Variants in CENPE observed in about 807,000 individuals in gnomAD.
CENPE encodes the protein centromere-associated protein E.
A neutral mutation model predicts 336.1 loss-of-function variants in CENPE; 145 were observed. The observed-to-expected ratio is 0.43, with a 90% CI of 0.38 to 0.50. The LOEUF is 0.50. CENPE is among the 20% of genes least tolerant of loss of function. The pLI is 0.00. For missense variants in CENPE, 2,719 were observed against 3,023.3 expected (o/e 0.90, Z 2.36); for synonymous variants, 1,013 against 984.8 (o/e 1.03, Z -0.54).
At chr4:103,121,675 C>T (rs1487213147) in intron 43 of CENPE, among the ~76,000 whole-genome samples, 2 of 151,538 alleles carry the variant, frequency 1.3e-5, no homozygotes, top group Non-Finnish European at 2.9e-5. Flanking sequence ...AAGCCTCCCA[C>T]ATAGCTGAGA....
intron 26 of CENPE, 56 bp from the exon 27 acceptor site, chr4:103,149,464 C>A (rs1753362605): frequency 1.4e-6 from 2 of 1,444,402 alleles, no homozygotes; most frequent in Non-Finnish European, 1.8e-6. Flanking sequence ...AAAATTCTTA[C>A]ACAAAATCAT....
intron 16 of CENPE, among the ~76,000 whole-genome samples, chr4:103,172,991 A>G (rs1316072043): frequency 6.6e-6 from 1 of 152,018 alleles, no homozygotes; most frequent in Non-Finnish European, 1.5e-5. Flanking sequence ...ATTCTTCACA[A>G]AAGTAGATTA....
At chr4:103,146,723 A>AT (rs1753086073) in intron 29 of CENPE, among the ~76,000 whole-genome samples, 1 of 152,252 alleles carries the variant, frequency 6.6e-6, no homozygotes, top group African/African-American at 2.4e-5. Flanking sequence ...GCAATAAGAT[A>AT]TTAAAAGAAT....
chr4:103,106,215 G>C lies in CENPE; in HGVS notation c.*7C>G, dbSNP rs1350742306. On this transcript the variant is annotated 3_prime_UTR_variant, in exon 49 of 49. Transcript: ENST00000265148. Reference sequence around the variant, plus strand: ...GCTGGATCTCCAGAGAAGTGACAAAGAGGAGTCTACTGAGTTTTGCACTCA... The same window carrying C: ...GCTGGATCTCCAGAGAAGTGACAAACAGGAGTCTACTGAGTTTTGCACTCA... 6.5e-7 allele frequency: 1 copy of C among 1,540,442 alleles called. No individual in the cohort carries two copies. The highest frequency in any genetic ancestry group is 1.9e-5 in the Admixed American group (1 of 53,346).
intron 38 of CENPE, among the ~76,000 whole-genome samples, chr4:103,139,025 T>C (rs1371425743): frequency 2.0e-5 from 3 of 152,224 alleles, no homozygotes; most frequent in African/African-American, 4.8e-5. Flanking sequence ...GTACTGTCTA[T>C]GGTGTTTCAA....
At chr4:103,109,396 T>C (rs1749192107) in intron 47 of CENPE, among the ~76,000 whole-genome samples, 1 of 152,078 alleles carries the variant, frequency 6.6e-6, no homozygotes, top group South Asian at 2.1e-4. Flanking sequence ...TAATCCAGAG[T>C]GGCTTATCTA....
At position 103,144,398 on chromosome 4, in the gene CENPE, C is replaced by T. The variant is rs1752833505; in HGVS notation, c.5078G>A (p.Ser1693Asn). The change falls in exon 33 of 49, where the codon AGT becomes AAT. Residue 1693 changes from serine to asparagine, a missense_variant. Ser to Asn is a conservative substitution (Grantham distance 46, BLOSUM62 1). This residue lies in a region of CENPE where 2,437 missense variants were observed against 2,513.3 expected (regional missense o/e 0.97). Coordinates refer to ENST00000265148, the MANE Select transcript of CENPE (RefSeq NM_001813.3). The stretch of plus-strand genomic sequence containing the variant: ...CTCTACTTTGAGAGTCTCCTCCACA[C>T]TCCTAAGGTCATCTCTTTCTTTTGT... ...SVTKERDDLR[S>N]VEETLKVERD... 1.2e-6 allele frequency: 2 copies of T among 1,613,940 alleles called. No homozygotes were observed. The highest frequency in any genetic ancestry group is 2.7e-5 in the African/African-American group (2 of 74,928).
Position 103,108,850 on chromosome 4 carries a change from G to A in CENPE, c.7964C>T (p.Pro2655Leu), listed in dbSNP as rs1014990693. 3.1e-6 allele frequency: 5 copies of A among 1,613,782 alleles called. No homozygotes were observed. In the African/African-American group the frequency reaches 5.3e-5, roughly 17 times the overall value. The change falls in exon 48 of 49, where the codon CCT becomes CTT. Residue 2655 changes from proline to leucine, a missense_variant. Transcript: ENST00000265148. ...FDSRSKSLPS[P>L]HPVRYFDNSS... ...GTTATCAAAATAGCGAACTGGATGA[G>A]GTGATGGTAAAGACTTTGATCGGCT...
chr4:103,130,296 G>A (rs1751471015), intron 42 of CENPE, among the ~76,000 whole-genome samples: 1 of 152,046 alleles, frequency 6.6e-6, no homozygotes, highest in Admixed American at 6.5e-5. Context: ...AATACTCCTG[G>A]AACTAAATAA....
chr4:103,175,091 A>T (rs910302426), intron 15 of CENPE, among the ~76,000 whole-genome samples, 188 bp from the exon 16 acceptor site: 1 of 152,050 alleles, frequency 6.6e-6, no homozygotes, highest in African/African-American at 2.4e-5. Context: ...AAAATATATC[A>T]ATAAAGTGTA....
chr4:103,187,818 T>C (rs569276257), intron 8 of CENPE, among the ~76,000 whole-genome samples: 19 of 152,262 alleles, frequency 1.2e-4, no homozygotes, highest in African/African-American at 4.1e-4. Context: ...TAAATGTAAA[T>C]AGGCTAAATG....
At chr4:103,127,259 T>C (rs1751207289) in intron 42 of CENPE, among the ~76,000 whole-genome samples, 2 of 152,038 alleles carry the variant, frequency 1.3e-5, no homozygotes, top group African/African-American at 4.8e-5. Context: ...GGAGTGAAGA[T>C]AAGAATTACA....
chr4:103,141,138 C>T, intron 35 of CENPE, 34 bp from the exon 36 acceptor site: 3 of 1,256,398 alleles, frequency 2.4e-6, no homozygotes, highest in Non-Finnish European at 3.3e-6. Flanking sequence ...TGTTAGGTGG[C>T]TTTTTAGGGA....
At chr4:103,147,077 G>A (rs1560628252) in intron 29 of CENPE, among the ~76,000 whole-genome samples, 2 of 152,018 alleles carry the variant, frequency 1.3e-5, no homozygotes, top group Non-Finnish European at 2.9e-5. Context: ...CTCATATTTG[G>A]TTTCACCCTT....
At chr4:103,155,804 T>C (rs1296940024) in intron 24 of CENPE, among the ~76,000 whole-genome samples, 3 of 152,174 alleles carry the variant, frequency 2.0e-5, no homozygotes, top group Admixed American at 6.5e-5. Flanking sequence ...GCTCATTTTA[T>C]AGAAGTAATA....
chr4:103,143,330 C>T lies in CENPE; in HGVS notation c.5222G>A (p.Arg1741Lys), dbSNP rs1216424520. ...KEHQETIDKL[R>K]GIVSEKTNEI... ...ATTTGTTTTCTCTGAAACAATCCCT[C>T]TTAGTTTATCAATAGTTTCTTGGTG... Residue 1741 changes from arginine (R) to lysine (K), a missense_variant, in exon 34 of 49, where the codon AGA (arginine) becomes AAA (lysine). Arg to Lys is a conservative substitution (Grantham distance 26). This residue lies in a region of CENPE where 2,437 missense variants were observed against 2,513.3 expected (regional missense o/e 0.97). Coordinates refer to ENST00000265148, the MANE Select transcript of CENPE (RefSeq NM_001813.3). 2 of 1,606,192 alleles carry T rather than the reference C, an allele frequency of 1.2e-6. No individual in the cohort carries two copies. Among genetic ancestry groups the T allele is most frequent in the Admixed American group, 3.3e-5 (2 of 59,854 alleles).
intron 43 of CENPE, among the ~76,000 whole-genome samples, chr4:103,122,501 A>G (rs933620337): frequency 6.6e-6 from 1 of 152,180 alleles, no homozygotes; most frequent in African/African-American, 2.4e-5. Flanking sequence ...GAAAAGCTGA[A>G]TTGCTATTTC....
Position 103,106,227 on chromosome 4 carries a change from G to C in CENPE, c.8101C>G (p.Gln2701Glu). The change falls in exon 49 of 49, where the codon CAG becomes GAG. Residue 2701 changes from glutamine (Q) to glutamate (E), a missense_variant. By Grantham distance (29) the Gln-to-Glu change is conservative. Around this residue, in one of 5 missense-constraint regions of CENPE, gnomAD observed 2,437 missense variants for 2,513.3 expected, o/e 0.97. Coordinates refer to ENST00000265148, the MANE Select transcript of CENPE (RefSeq NM_001813.3). ...SGKDVPECKT[Q>E] ...GAGAAGTGACAAAGAGGAGTCTACT[G>C]AGTTTTGCACTCAGGCACATCCTTG... 1 of 1,571,332 alleles carries C rather than the reference G, an allele frequency of 6.4e-7. No individual in the cohort carries two copies. Among genetic ancestry groups the C allele is most frequent in the African/African-American group, 1.3e-5 (1 of 74,140 alleles).
chr4:103,194,984 T>G, intron 5 of CENPE, 130 bp downstream of exon 5: 1 of 795,514 alleles, frequency 1.3e-6, no homozygotes, highest in South Asian at 2.4e-5. Context: ...TATAAATACT[T>G]CAAAAAAACC....
Sources: allele counts gnomAD v4.1 joint callset (sites outside exome capture counted in the v4.1 genomes callset), GRCh38; gene constraint gnomAD v4.1.1; regional missense constraint gnomAD v4.1.1; transcripts MANE v1.5; gene names NCBI Gene and HGNC (gene_info 2026-07-23, HGNC 2026-07-21).